The following FRMD3 variants were observed in gnomAD, a reference collection of about 807,000 sequenced individuals.
FRMD3 encodes the protein FERM domain containing 3.
FRMD3 carries 33 observed loss-of-function variants against 70.2 expected under a neutral mutation model. That is an observed-to-expected ratio of 0.47 (90% CI 0.36 to 0.63). The LOEUF (loss-of-function observed/expected upper bound fraction) is 0.63, where lower values mean the gene tolerates loss of function less well. FRMD3 is among the 20% of genes least tolerant of loss of function. FRMD3 has a pLI of 0.00. For synonymous variants in FRMD3, 279 were observed against 255.9 expected (o/e 1.09, Z -0.86); for missense variants, 632 against 711.4 (o/e 0.89, Z 1.27).
At chr9:83,508,571 C>G (rs1017185601) in intron 1 of FRMD3, among the ~76,000 whole-genome samples, 1 of 152,168 alleles carries the variant, frequency 6.6e-6, no homozygotes, top group African/African-American at 2.4e-5. Context: ...CTGTTTAATG[C>G]TTGACTCTCT....
intron 13 of FRMD3, among the ~76,000 whole-genome samples, chr9:83,289,240 G>A (rs1256054235): frequency 6.6e-6 from 1 of 152,154 alleles, no homozygotes; most frequent in East Asian, 1.9e-4. Flanking sequence ...CAAGCAACAT[G>A]GACCCAGAGG....
intron 13 of FRMD3, among the ~76,000 whole-genome samples, chr9:83,262,810 A>G (rs1177321025): frequency 6.6e-6 from 1 of 152,126 alleles, no homozygotes; most frequent in African/African-American, 2.4e-5. Flanking sequence ...AGGCTCTCCT[A>G]TCCCCCACTC....
At chr9:83,312,571 T>C (rs1257388622) in intron 7 of FRMD3, among the ~76,000 whole-genome samples, 1 of 152,230 alleles carries the variant, frequency 6.6e-6, no homozygotes, top group Non-Finnish European at 1.5e-5. Context: ...TAAAATTCAC[T>C]AAAATGAATA....
chr9:83,421,231 C>T (rs897365687), intron 1 of FRMD3, among the ~76,000 whole-genome samples: 15 of 152,112 alleles, frequency 9.9e-5, no homozygotes, highest in Non-Finnish European at 7.4e-5. Flanking sequence ...TGAGCCACCG[C>T]GCCCGGCCGA....
In FRMD3 at chr9:83,346,340, T is replaced by TA. The variant is rs548964576; in HGVS notation, c.375-3054dup. On this transcript the variant is annotated intron_variant, in intron 4 of 13. Transcript: ENST00000304195. ...ACATAAAAGAAATGTGGCATTTCCA[T>TA]ACACTGGAATATCATCCAACCATAA... Among the ~76,000 whole-genome samples, 88 of 148,412 alleles carry TA rather than the reference T, an allele frequency of 5.9e-4. 2 individuals carry two copies. The South Asian group carries it at 0.019, about 31-fold the overall frequency.
In FRMD3 at chr9:83,299,131, C is replaced by T. The variant is rs1834797498; in HGVS notation, c.982G>A (p.Gly328Arg). The stretch of plus-strand genomic sequence containing the variant: ...ACCCACCTATATCGAAATCTACTTC[C>T]TTTAAAAAATATCTTGCTGCTTGAT... The part of the protein sequence containing the change: ...TVSSSKIFFK[G>R]SRFRYSGKVA... Residue 328 changes from glycine (G) to arginine (R), a missense_variant, in exon 11 of 14, where the codon GGA becomes AGA. Coordinates refer to ENST00000304195, the MANE Select transcript of FRMD3 (RefSeq NM_174938.6). The T allele has an allele frequency of 1.9e-6, 3 of 1,612,054 alleles. No homozygotes were observed. Among genetic ancestry groups the T allele is most frequent in the Non-Finnish European group, 2.5e-6 (3 of 1,178,630 alleles).
chr9:83,263,829 A>G (rs1175790517), intron 13 of FRMD3, among the ~76,000 whole-genome samples: 1 of 152,248 alleles, frequency 6.6e-6, no homozygotes. Context: ...GCACAAATTA[A>G]AACATCCATA....
In FRMD3 at chr9:83,536,930, T is replaced by TAA. The variant is rs142272516; in HGVS notation, c.147+1153_147+1154dup. 1.7e-3 allele frequency among the ~76,000 whole-genome samples: 106 copies of TAA among 60,866 alleles called. 6 individuals carry two copies. The highest frequency in any genetic ancestry group is 4.7e-3 in the African/African-American group (77 of 16,410). 39.9% of individuals were successfully genotyped at this position (60,866 alleles called of 152,430 possible). A position where few individuals can be genotyped will look rare whatever the true frequency, so the allele number is the denominator to read the frequency against. ...ATGGGTGGTGTGCCCTGTATTACAC[T>TAA]AAAAAAAAAAAAAAAAAAAAAAAGC... On this transcript the variant is annotated intron_variant, in intron 1 of 13. Coordinates refer to ENST00000304195, the MANE Select transcript of FRMD3 (RefSeq NM_174938.6).
intron 13 of FRMD3, among the ~76,000 whole-genome samples, chr9:83,282,651 G>A (rs547238498): frequency 7.7e-4 from 117 of 152,130 alleles, no homozygotes; most frequent in African/African-American, 2.7e-3. Flanking sequence ...TGAGGAAAAT[G>A]AAGCTCTGAA....
intron 1 of FRMD3, among the ~76,000 whole-genome samples, chr9:83,508,206 T>A (rs1382318597): frequency 6.6e-6 from 1 of 152,164 alleles, no homozygotes. Context: ...TACATGAAGT[T>A]CAACAACAGG....
chr9:83,349,332 A>G (rs1226930149), intron 4 of FRMD3, among the ~76,000 whole-genome samples: 1 of 152,202 alleles, frequency 6.6e-6, no homozygotes, highest in African/African-American at 2.4e-5. Context: ...GCTGAGATCC[A>G]AAAGATAGAC....
chr9:83,353,638 T>A (rs1824237246), intron 3 of FRMD3, among the ~76,000 whole-genome samples: 1 of 152,186 alleles, frequency 6.6e-6, no homozygotes, highest in South Asian at 2.1e-4. Context: ...CATCCCTTGG[T>A]CCCTCTGACA....
chr9:83,515,344 A>T (rs1010691441), intron 1 of FRMD3, among the ~76,000 whole-genome samples: 7 of 152,182 alleles, frequency 4.6e-5, no homozygotes, highest in African/African-American at 1.7e-4. Context: ...CAATAGGTGA[A>T]TCAATCAAGC....
At position 83,500,502 on chromosome 9, in the gene FRMD3, GCACACACACACA is replaced by G. The variant is rs3084172; in HGVS notation, c.147+37571_147+37582del. On this transcript the variant is annotated intron_variant, in intron 1 of 13. Coordinates refer to ENST00000304195, the MANE Select transcript of FRMD3 (RefSeq NM_174938.6). ...CATAGAGTGCTTGGCGTGTATGCGC[GCACACACACACA>G]CACACACACACACACACACACACAC... Among the ~76,000 whole-genome samples, 212 of 143,814 alleles carry G rather than the reference GCACACACACACA, an allele frequency of 1.5e-3. 2 individuals are homozygous for G. Among genetic ancestry groups the G allele is most frequent in the Non-Finnish European group, 1.4e-3 (92 of 65,442 alleles). 94.3% of individuals were successfully genotyped at this position (143,814 alleles called of 152,430 possible).
chr9:83,423,533 C>T (rs1289681008), intron 1 of FRMD3, among the ~76,000 whole-genome samples: 1 of 143,364 alleles, frequency 7.0e-6, no homozygotes, highest in Non-Finnish European at 1.5e-5. Context: ...CCACATGTAG[C>T]TATTTAAATT....
chr9:83,502,159 G>A (rs916389148), intron 1 of FRMD3, among the ~76,000 whole-genome samples: 13 of 152,150 alleles, frequency 8.5e-5, no homozygotes, highest in Non-Finnish European at 1.3e-4. Context: ...CTAAGCATGC[G>A]CCACTTCGAA....
At chr9:83,500,238 G>A (rs1412849463) in intron 1 of FRMD3, among the ~76,000 whole-genome samples, 2 of 151,928 alleles carry the variant, frequency 1.3e-5, no homozygotes, top group Non-Finnish European at 2.9e-5. Context: ...TGTAAGCTAT[G>A]AACTTTAGTT....
chr9:83,479,063 A>C (rs1828466569), intron 1 of FRMD3, among the ~76,000 whole-genome samples: 1 of 152,112 alleles, frequency 6.6e-6, no homozygotes, highest in Admixed American at 6.5e-5. Context: ...AAAACTATAC[A>C]TCAATAAGAA....
intron 1 of FRMD3, among the ~76,000 whole-genome samples, chr9:83,393,421 C>T (rs982642573): frequency 8.5e-5 from 13 of 152,150 alleles, no homozygotes; most frequent in African/African-American, 2.4e-4. Context: ...ACCAGTTTCA[C>T]GGAAGATAAT....
Sources: gnomAD v4.1 joint callset for allele counts (sites outside exome capture counted in the v4.1 genomes callset) on GRCh38, gnomAD v4.1.1 for gene constraint, MANE v1.5 for transcripts, NCBI Gene and HGNC (gene_info 2026-07-23, HGNC 2026-07-21) for gene names.